CLCN7: variants seen among roughly 807,000 people sequenced by gnomAD.
CLCN7 encodes the protein Cl-/H+ antiporter 7.
A neutral mutation model predicts 102.1 loss-of-function variants in CLCN7; 60 were observed. The observed-to-expected ratio is 0.59, with a 90% CI of 0.48 to 0.73. CLCN7 has a LOEUF of 0.73. Among genes scored for constraint, CLCN7 ranks in the 30% least tolerant of loss-of-function variants. The pLI, the probability that CLCN7 is intolerant of heterozygous loss-of-function variation, is 0.00. For missense variants in CLCN7, 962 were observed against 1,125.7 expected (o/e 0.85, Z 2.08); for synonymous variants, 560 against 490.5 (o/e 1.14, Z -1.87).
intron 2 of CLCN7, 93 bp from the exon 3 acceptor site, chr16:1,461,767 C>T (rs989208372): frequency 2.9e-5 from 30 of 1,049,802 alleles, no homozygotes; most frequent in Middle Eastern, 4.6e-4. Context: ...ATTATCATCC[C>T]GACACCAAGG....
chr16:1,464,587 G>A (rs965496221), intron 2 of CLCN7, among the ~76,000 whole-genome samples: 7 of 152,374 alleles, frequency 4.6e-5, no homozygotes, highest in African/African-American at 1.2e-4. Flanking sequence ...ACGCAAGGCC[G>A]AAGAGCACCC....
In CLCN7 at chr16:1,464,444, C is replaced by T. The variant is rs193158391; in HGVS notation, c.213+823G>A. ...GCCCACGGCCACGAAACAGATCTTCCGAAGGCCTTGTGGCTCCAGAGGCAG... is the reference window on the plus strand; with the variant it reads ...GCCCACGGCCACGAAACAGATCTTCTGAAGGCCTTGTGGCTCCAGAGGCAG... On this transcript the variant is annotated intron_variant, in intron 2 of 24. Coordinates refer to ENST00000382745, the MANE Select transcript of CLCN7 (RefSeq NM_001287.6). Among the ~76,000 whole-genome samples, 1,396 of 152,366 alleles carry T rather than the reference C, an allele frequency of 9.2e-3. 15 individuals carry two copies. Among genetic ancestry groups the T allele is most frequent in the Non-Finnish European group, 0.014 (974 of 68,038 alleles).
chr16:1,453,755 C>T, intron 14 of CLCN7, 79 bp downstream of exon 14: 3 of 1,353,160 alleles, frequency 2.2e-6, no homozygotes, highest in Non-Finnish European at 3.2e-6. Context: ...GAGTGTAAAC[C>T]CCATTCCACC....
rs1389033418 is a variant in CLCN7, at chr16:1,462,680, A to AC, written c.214-1007_214-1006insG. Among the ~76,000 whole-genome samples the AC allele has an allele frequency of 2.3e-3, 354 of 150,976 alleles. 4 individuals carry two copies. Among genetic ancestry groups the AC allele is most frequent in the African/African-American group, 7.8e-3 (322 of 41,084 alleles). On this transcript the variant is annotated intron_variant, in intron 2 of 24. Coordinates refer to ENST00000382745, the MANE Select transcript of CLCN7 (RefSeq NM_001287.6). ...AAAAAAAAGCCAAAAAAAAAAAAAA[A>AC]AAAAAAACCAGGCATGGTACTGGCA...
intron 14 of CLCN7, 119 bp downstream of exon 14, chr16:1,453,715 T>C: frequency 1.0e-6 from 1 of 966,312 alleles, no homozygotes; most frequent in Non-Finnish European, 1.7e-6. Flanking sequence ...GGACGCTGCA[T>C]ACACAGCCTT....
intron 1 of CLCN7, chr16:1,467,811 G>C (rs1019189461): frequency 3.3e-4 from 50 of 152,486 alleles, no homozygotes; most frequent in African/African-American, 7.2e-4. Context: ...CTGGCCGGAC[G>C]TGGTGGCTCA....
In CLCN7 at chr16:1,448,727, A is replaced by C. The variant is rs1468841343; in HGVS notation, c.1837T>G (p.Phe613Val). ...DMHIQLQSVPFLHWEAPVTSH... is the reference protein window; with the variant it reads ...DMHIQLQSVPVLHWEAPVTSH... ...GTGACCGGGGCCTCCCAGTGCAGGA[A>C]GGGCACACTCTGCAGCTGAATGTGC... is the stretch of plus-strand genomic sequence containing the variant. Residue 613 changes from phenylalanine to valine, a missense_variant, in exon 20 of 25, where the codon TTC (phenylalanine) becomes GTC (valine). Coordinates refer to ENST00000382745, the MANE Select transcript of CLCN7 (RefSeq NM_001287.6). 6.2e-7 allele frequency: 1 copy of C among 1,612,504 alleles called. No individual in the cohort carries two copies. Among genetic ancestry groups the C allele is most frequent in the Non-Finnish European group, 8.5e-7 (1 of 1,179,960 alleles).
chr16:1,452,398 G>C (rs560406610), intron 15 of CLCN7: 2 of 327,944 alleles, frequency 6.1e-6, no homozygotes, highest in African/African-American at 4.2e-5. Context: ...GCGGTGAGCC[G>C]TGAGCGCCAG....
chr16:1,447,177 G>A (rs796210869), intron 23 of CLCN7, 91 bp from the exon 24 acceptor site: 27 of 1,314,272 alleles, frequency 2.1e-5, no homozygotes, highest in African/African-American at 1.9e-4. Flanking sequence ...CCCCCACCAC[G>A]GCGTCCAGGC....
Position 1,460,889 on chromosome 16 carries a change from C to T in CLCN7, c.411G>A (p.Thr137=), listed in dbSNP as rs139649449. Residue 137 remains threonine, a synonymous_variant, in exon 5 of 25, where the codon ACG becomes ACA. Coordinates refer to ENST00000382745, the MANE Select transcript of CLCN7 (RefSeq NM_001287.6). The part of the protein sequence containing the change: ...WVICALIGIL[T]GLVACFIDIV... The stretch of plus-strand genomic sequence containing the variant: ...TGTCAATGAAGCAGGCCACGAGGCC[C>T]GTGAGGATCCCAATGAGGGCGCAGA... The T allele has an allele frequency of 7.0e-4, 1,126 of 1,614,006 alleles. No individual in the cohort carries two copies. The highest frequency in any genetic ancestry group is 9.1e-4 in the Non-Finnish European group (1,069 of 1,179,950).
chr16:1,450,393 G>T, intron 17 of CLCN7, 104 bp downstream of exon 17: 2 of 1,204,788 alleles, frequency 1.7e-6, no homozygotes, highest in Non-Finnish European at 2.4e-6. Flanking sequence ...ACCACGTGAG[G>T]TGCGACACTT....
At chr16:1,462,256 C>G (rs75239196) in intron 2 of CLCN7, among the ~76,000 whole-genome samples, 20,771 of 150,080 alleles carry the variant, frequency 0.14, 1,545 homozygotes, top group African/African-American at 0.17. Flanking sequence ...AGGCCGGGTG[C>G]GGTGGCTCAC....
In CLCN7 at chr16:1,467,049, G is replaced by A. The variant is rs143675187; in HGVS notation, c.142-1711C>T. Among the ~76,000 whole-genome samples the A allele has an allele frequency of 7.3e-3, 1,113 of 151,480 alleles. 18 individuals carry two copies. The highest frequency in any genetic ancestry group is 0.026 in the African/African-American group (1,055 of 41,282). On this transcript the variant is annotated intron_variant, in intron 1 of 24. Coordinates refer to ENST00000382745, the MANE Select transcript of CLCN7 (RefSeq NM_001287.6). ...GTCGCCCTTGCTGTACACCCCCCGT[G>A]TTGATGACCCGGTAAGTGGCCCTGG... is the stretch of plus-strand genomic sequence containing the variant.
At chr16:1,462,677 A>AAAC (rs1555466085) in intron 2 of CLCN7, among the ~76,000 whole-genome samples, 54 of 146,930 alleles carry the variant, frequency 3.7e-4, no homozygotes, top group African/African-American at 8.7e-4. Context: ...AAAAAAAAAA[A>AAAC]AAAAAAAAAA....
chr16:1,448,571 T>C lies in CLCN7; in HGVS notation c.1884-87A>G, dbSNP rs17135338. On this transcript the variant is annotated intron_variant, in intron 20 of 24. Transcript: ENST00000382745. ...GCGGGCTGGTGAGGTGTGAAGCCGC[T>C]GGACAGGAAACGCGGGGCTGCCTGG... The C allele has an allele frequency of 0.1, 163,839 of 1,600,702 alleles. 9,936 individuals carry two copies. Among genetic ancestry groups the C allele is most frequent in the African/African-American group, 0.23 (17,551 of 74,844 alleles).
chr16:1,455,743 C>A lies in CLCN7; in HGVS notation c.969G>T (p.Leu323=). Residue 323 remains leucine, a synonymous_variant, in exon 11 of 25, where the codon CTG becomes CTT. Coordinates refer to ENST00000382745, the MANE Select transcript of CLCN7 (RefSeq NM_001287.6). ...AGCAGGAACTTACGATCCTCCAGGT[C>A]AGGAACTGGTTCCAGAAGGACGCAC... ...EEGASFWNQF[L]TWRIFFASMI... 3.7e-6 allele frequency: 6 copies of A among 1,613,860 alleles called. No homozygotes were observed. Among genetic ancestry groups the A allele is most frequent in the Non-Finnish European group, 5.1e-6 (6 of 1,180,018 alleles).
At position 1,457,637 on chromosome 16, in the gene CLCN7, C is replaced by A; in HGVS notation, c.738+57G>T. 1.3e-6 allele frequency: 2 copies of A among 1,580,828 alleles called. No homozygotes were observed. Among genetic ancestry groups the A allele is most frequent in the Non-Finnish European group, 1.7e-6 (2 of 1,152,728 alleles). On this transcript the variant is annotated intron_variant, in intron 8 of 24. Coordinates refer to ENST00000382745, the MANE Select transcript of CLCN7 (RefSeq NM_001287.6). The surrounding 1 kb of genome is among the most constrained non-coding windows in gnomAD (Gnocchi z 5.4). ...CAGAGACACACATGGGCGTGGCGGC[C>A]CTCGCGGGCCCGGCGGCCTCAGGCT...
rs2277855 is a variant in CLCN7 at position 1,454,701 on chromosome 16, C to T, written c.1099-236G>A. Among the ~76,000 whole-genome samples the T allele has an allele frequency of 0.38, 57,156 of 152,172 alleles. 11,301 individuals are homozygous for T. The highest frequency in any genetic ancestry group is 0.43 in the Non-Finnish European group (29,342 of 67,970). On this transcript the variant is annotated intron_variant, in intron 12 of 24. Transcript: ENST00000382745. Reference sequence around the variant, plus strand: ...CTCAGAGACCCTGCCACCCTCAGCACCCGGGGCGGGGAGGGCCCCAAGCAC... The same window carrying T: ...CTCAGAGACCCTGCCACCCTCAGCATCCGGGGCGGGGAGGGCCCCAAGCAC...
chr16:1,446,935 A>G, intron 24 of CLCN7, 71 bp downstream of exon 24: 1 of 1,406,700 alleles, frequency 7.1e-7, no homozygotes, highest in African/African-American at 1.4e-5. Context: ...CCGGGAGCTG[A>G]GAGTAAGCAC....
Sources: allele counts gnomAD v4.1 joint callset (sites outside exome capture counted in the v4.1 genomes callset), GRCh38; gene constraint gnomAD v4.1.1; non-coding constraint Gnocchi (gnomAD v3.1); transcripts MANE v1.5; gene names NCBI Gene and HGNC (gene_info 2026-07-23, HGNC 2026-07-21).